TBPL1: variants seen among roughly 807,000 people sequenced by gnomAD.
The protein encoded by TBPL1 is TATA-box binding protein like 1.
A neutral mutation model predicts 22.1 loss-of-function variants in TBPL1; 4 were observed. The observed-to-expected ratio is 0.18, with a 90% CI of 0.09 to 0.41. TBPL1 has a LOEUF of 0.41. Among genes scored for constraint, TBPL1 ranks in the 10% least tolerant of loss-of-function variants. The pLI is 1.00. For missense variants in TBPL1, 115 were observed against 222.3 expected (o/e 0.52, Z 3.07); for synonymous variants, 64 against 71.0 (o/e 0.90, Z 0.50).
chr6:133,969,112 A>T (rs1776173750), intron 1 of TBPL1, among the ~76,000 whole-genome samples: 1 of 152,196 alleles, frequency 6.6e-6, no homozygotes, highest in African/African-American at 2.4e-5. Flanking sequence ...TTTCAACCAG[A>T]ATTTTTGCAT....
intron 1 of TBPL1, among the ~76,000 whole-genome samples, chr6:133,967,379 A>G (rs569431636): frequency 6.6e-6 from 1 of 152,330 alleles, no homozygotes; most frequent in East Asian, 1.9e-4. Context: ...GAGCTTCCAT[A>G]AATCAATAAG....
At chr6:133,980,931 GATACCTATGTAAA>G (rs1776401066) in intron 2 of TBPL1, among the ~76,000 whole-genome samples, 1 of 150,046 alleles carries the variant, frequency 6.7e-6, no homozygotes, top group African/African-American at 2.4e-5. Context: ...TAGATGCCAG[GATACCTATGTAAA>G]TTGCCATTAA....
At chr6:133,974,327 T>C (rs1014314793) in intron 1 of TBPL1, among the ~76,000 whole-genome samples, 8 of 152,326 alleles carry the variant, frequency 5.3e-5, no homozygotes, top group African/African-American at 1.9e-4. Context: ...TATTATACTT[T>C]GGTCAGTTCA....
chr6:133,965,924 A>G (rs1474425969), intron 1 of TBPL1, among the ~76,000 whole-genome samples: 3 of 152,226 alleles, frequency 2.0e-5, no homozygotes, highest in African/African-American at 7.2e-5. Context: ...TCACAACACT[A>G]TGATGGGTTC....
chr6:133,970,524 T>C (rs1776200434), intron 1 of TBPL1, among the ~76,000 whole-genome samples: 2 of 152,148 alleles, frequency 1.3e-5, no homozygotes, highest in African/African-American at 4.8e-5. Context: ...TTAGAAATTA[T>C]TATGGAAACT....
chr6:133,956,871 T>C (rs867465891), intron 1 of TBPL1, among the ~76,000 whole-genome samples: 1 of 152,216 alleles, frequency 6.6e-6, no homozygotes, highest in Non-Finnish European at 1.5e-5. Flanking sequence ...ACTACCACTT[T>C]GGGAAATTTC....
chr6:133,985,297 A>AATATAT (rs3068194), intron 6 of TBPL1, among the ~76,000 whole-genome samples: 82 of 42,868 alleles, frequency 1.9e-3, no homozygotes, highest in African/African-American at 2.8e-3. Flanking sequence ...AAAAAAAAAA[A>AATATAT]ATATATATAT....
At position 133,987,587 on chromosome 6, in the gene TBPL1, T is replaced by C. The variant is rs35776966; in HGVS notation, c.*547T>C. The stretch of plus-strand genomic sequence containing the variant: ...TTAAAATCTATGCAAGCTTAAGACT[T>C]TGGCTAAAGTGTGTTGGCTTCTTTT... On this transcript the variant is annotated 3_prime_UTR_variant, in exon 7 of 7. Transcript: ENST00000237264. 57,575 of 151,016 alleles carry C rather than the reference T, an allele frequency of 0.38. 13,532 individuals are homozygous for C. Among genetic ancestry groups the C allele is most frequent in the Non-Finnish European group, 0.55 (37,075 of 67,508 alleles). 9.4% of individuals were successfully genotyped at this position (151,016 alleles called of 1,614,324 possible). A position where few individuals can be genotyped will look rare whatever the true frequency, so the allele number is the denominator to read the frequency against.
At position 133,989,433 on chromosome 6, in the gene TBPL1, C is replaced by T. The variant is rs779395769; in HGVS notation, c.*2393C>T. On this transcript the variant is annotated 3_prime_UTR_variant, in exon 7 of 7. Coordinates refer to ENST00000237264, the MANE Select transcript of TBPL1 (RefSeq NM_004865.4). Reference sequence around the variant, plus strand: ...GCTAGGTTGATAAACAATTTCCTGCCCATTTATAATGAAGGGCTAAACAAA... The same window carrying T: ...GCTAGGTTGATAAACAATTTCCTGCTCATTTATAATGAAGGGCTAAACAAA... The T allele has an allele frequency of 6.6e-6, 1 of 152,016 alleles. No individual in the cohort carries two copies. Among genetic ancestry groups the T allele is most frequent in the Non-Finnish European group, 1.5e-5 (1 of 68,010 alleles). 9.4% of individuals were successfully genotyped at this position (152,016 alleles called of 1,614,324 possible). A position where few individuals can be genotyped will look rare whatever the true frequency, so the allele number is the denominator to read the frequency against.
intron 4 of TBPL1, among the ~76,000 whole-genome samples, chr6:133,983,207 C>T (rs994226553): frequency 6.6e-6 from 1 of 152,166 alleles, no homozygotes; most frequent in Non-Finnish European, 1.5e-5. Flanking sequence ...CTCAAGAATG[C>T]CAGGTCAGAA....
chr6:133,978,067 C>A (rs895969635), intron 1 of TBPL1, among the ~76,000 whole-genome samples: 1 of 152,128 alleles, frequency 6.6e-6, no homozygotes, highest in African/African-American at 2.4e-5. Flanking sequence ...TATTTTATTT[C>A]TGCCACATTG....
intron 1 of TBPL1, among the ~76,000 whole-genome samples, chr6:133,973,740 C>T (rs938667249): frequency 3.3e-5 from 5 of 152,080 alleles, no homozygotes; most frequent in Admixed American, 3.3e-4. Flanking sequence ...TAATAGAAAG[C>T]TAGAAATATG....
At chr6:133,967,181 G>C (rs919903371) in intron 1 of TBPL1, among the ~76,000 whole-genome samples, 3 of 152,102 alleles carry the variant, frequency 2.0e-5, no homozygotes, top group African/African-American at 4.8e-5. Context: ...TTCACTACCA[G>C]GTCCCTATCC....
intron 4 of TBPL1, among the ~76,000 whole-genome samples, chr6:133,983,511 C>T (rs930070302): frequency 6.6e-6 from 1 of 152,156 alleles, no homozygotes; most frequent in African/African-American, 2.4e-5. Context: ...GACTCAGTCT[C>T]TCTGAAGTAG....
intron 2 of TBPL1, among the ~76,000 whole-genome samples, chr6:133,980,903 C>G (rs1257452485): frequency 6.7e-6 from 1 of 149,084 alleles, no homozygotes; most frequent in East Asian, 2.0e-4. Flanking sequence ...TCTCAAGGCT[C>G]TATTTAGCTT....
chr6:133,970,696 C>T (rs1266290618), intron 1 of TBPL1, among the ~76,000 whole-genome samples: 1 of 151,762 alleles, frequency 6.6e-6, no homozygotes, highest in African/African-American at 2.4e-5. Flanking sequence ...GCAGCCTCAA[C>T]CTCCCAGGTT....
chr6:133,960,123 A>G (rs1775995702), intron 1 of TBPL1, among the ~76,000 whole-genome samples: 1 of 152,184 alleles, frequency 6.6e-6, no homozygotes, highest in African/African-American at 2.4e-5. Flanking sequence ...TGTAATGAGC[A>G]TACCTTAATT....
intron 1 of TBPL1, among the ~76,000 whole-genome samples, chr6:133,964,455 G>GTT (rs200531874): frequency 7.8e-5 from 11 of 140,944 alleles, no homozygotes; most frequent in Admixed American, 1.4e-4. Context: ...GGTTTTTTGG[G>GTT]TTTTTTTTTT....
At chr6:133,978,372 T>C (rs750168161) in intron 1 of TBPL1, among the ~76,000 whole-genome samples, 1 of 152,254 alleles carries the variant, frequency 6.6e-6, no homozygotes, top group Non-Finnish European at 1.5e-5. Context: ...GTCTATTCCA[T>C]GTTACAATAT....
Sources: allele counts gnomAD v4.1 joint callset (sites outside exome capture counted in the v4.1 genomes callset), GRCh38; gene constraint gnomAD v4.1.1; transcripts MANE v1.5; gene names NCBI Gene and HGNC (gene_info 2026-07-23, HGNC 2026-07-21).